Variants in RAB38 observed in about 807,000 individuals in gnomAD.
RAB38 encodes the protein RAB38, member RAS oncogene family.
Under a neutral mutation model 18.4 loss-of-function variants are expected in RAB38, and 15 were observed. The observed-to-expected ratio is 0.82, with a 90% CI of 0.55 to 1.26. The LOEUF (loss-of-function observed/expected upper bound fraction) is 1.26, where lower values mean the gene tolerates loss of function less well. Ranked by LOEUF, RAB38 falls within the 50% of genes most tolerant of loss-of-function variation. The pLI, the probability that RAB38 is intolerant of heterozygous loss-of-function variation, is 0.00. For missense variants in RAB38, 294 were observed against 267.4 expected (o/e 1.10, Z -0.69); for synonymous variants, 101 against 104.4 (o/e 0.97, Z 0.20).
chr11:88,100,482 G>A, the RAB38 span, among the ~76,000 whole-genome samples: 1 of 151,900 alleles, frequency 6.6e-6, no homozygotes, highest in African/African-American at 2.4e-5. Flanking sequence ...ATTGTACTTG[G>A]TATTTCATAT....
chr11:88,052,377 T>A, the RAB38 span, among the ~76,000 whole-genome samples: 1 of 152,198 alleles, frequency 6.6e-6, no homozygotes, highest in East Asian at 1.9e-4. Flanking sequence ...GCTGAAAATA[T>A]AGTTGAATTA....
chr11:88,162,112 G>T (rs1005776743), intron 1 of RAB38, among the ~76,000 whole-genome samples: 1 of 152,136 alleles, frequency 6.6e-6, no homozygotes, highest in African/African-American at 2.4e-5. Flanking sequence ...CCCACATACT[G>T]AAATCAGAGT....
the RAB38 span, among the ~76,000 whole-genome samples, chr11:87,850,754 A>C: frequency 6.6e-6 from 1 of 151,908 alleles, no homozygotes; most frequent in African/African-American, 2.4e-5. Flanking sequence ...ACATACACAC[A>C]CACCAGTATA....
At chr11:87,977,140 ATTATACAAGTATATTATAAAATT>A in the RAB38 span, among the ~76,000 whole-genome samples, 8 of 11,144 alleles carry the variant, frequency 7.2e-4, 4 homozygotes, top group South Asian at 3.7e-3. Context: ...ATAAAATTAT[ATTATACAAGTATATTATAAAATT>A]ATATTATACA....
the RAB38 span, among the ~76,000 whole-genome samples, chr11:88,042,085 C>T: frequency 3.3e-5 from 5 of 152,010 alleles, no homozygotes; most frequent in Admixed American, 1.3e-4. Context: ...ATTTAAAGGC[C>T]GTTTTATTAC....
the RAB38 span, among the ~76,000 whole-genome samples, chr11:87,827,311 T>C: frequency 2.0e-5 from 3 of 152,148 alleles, no homozygotes; most frequent in East Asian, 5.8e-4. Context: ...TTCTTTTGGC[T>C]GGCTTTTATG....
the RAB38 span, among the ~76,000 whole-genome samples, chr11:87,832,123 A>T: frequency 6.6e-6 from 1 of 152,208 alleles, no homozygotes; most frequent in Non-Finnish European, 1.5e-5. Context: ...TCATTTTTGC[A>T]GTAAAATACT....
At chr11:87,941,245 A>ATATATATATATATATATATATATATG in the RAB38 span, among the ~76,000 whole-genome samples, 1 of 134,508 alleles carries the variant, frequency 7.4e-6, no homozygotes, top group East Asian at 2.3e-4. Flanking sequence ...ATATATATAT[A>ATATATATATATATATATATATATATG]TGTAACTTCT....
Position 88,175,162 on chromosome 11 carries a change from AC to A in RAB38, c.202+20del. On this transcript the variant is annotated intron_variant, in intron 1 of 2. Transcript: ENST00000243662. ...GGCCGCGAGGCGCTCTATCCCCCTG[AC>A]CCCCTCCCCCCGCGCTCACCTGCGA... 1 of 1,569,666 alleles carries A rather than the reference AC, an allele frequency of 6.4e-7. No individual in the cohort carries two copies. The highest frequency in any genetic ancestry group is 8.6e-7 in the Non-Finnish European group (1 of 1,156,388).
the RAB38 span, among the ~76,000 whole-genome samples, chr11:87,872,934 GT>G: frequency 1.3e-5 from 2 of 151,574 alleles, no homozygotes; most frequent in Non-Finnish European, 3.0e-5. Context: ...TGTGACTTGT[GT>G]ATGGATGTAA....
At position 88,141,128 on chromosome 11, in the gene RAB38, T is replaced by C. The variant is rs1942907096; in HGVS notation, c.483+8547A>G. On this transcript the variant is annotated intron_variant, in intron 2 of 2. Coordinates refer to ENST00000243662, the MANE Select transcript of RAB38 (RefSeq NM_022337.3). ...AAACAGGCCTACAAGTATTCTTTTTTCTCAGATAGAATCAAGGCAGACCTG... is the reference window on the plus strand; with the variant it reads ...AAACAGGCCTACAAGTATTCTTTTTCCTCAGATAGAATCAAGGCAGACCTG... Among the ~76,000 whole-genome samples the C allele has an allele frequency of 2.0e-5, 3 of 152,246 alleles. 1 individual carries two copies. In the South Asian group the frequency reaches 6.2e-4, roughly 32 times the overall value.
the RAB38 span, among the ~76,000 whole-genome samples, chr11:87,948,777 G>T: frequency 6.6e-6 from 1 of 150,494 alleles, no homozygotes; most frequent in African/African-American, 2.5e-5. Flanking sequence ...TTGATGTGCT[G>T]CTGGATTCGG....
At chr11:88,007,535 A>G in the RAB38 span, among the ~76,000 whole-genome samples, 1 of 152,160 alleles carries the variant, frequency 6.6e-6, no homozygotes, top group South Asian at 2.1e-4. Context: ...GCAAATTAGA[A>G]TAACAATGCA....
chr11:88,015,931 G>A, the RAB38 span, among the ~76,000 whole-genome samples: 3 of 152,162 alleles, frequency 2.0e-5, no homozygotes, highest in African/African-American at 7.2e-5. Context: ...ATCAGAGATA[G>A]AGATCCTTGT....
At chr11:87,947,746 A>G in the RAB38 span, among the ~76,000 whole-genome samples, 1 of 152,030 alleles carries the variant, frequency 6.6e-6, no homozygotes, top group Non-Finnish European at 1.5e-5. Context: ...ATTGGTCTAT[A>G]TCTCTGTTTT....
chr11:87,842,808 ACGCG>A, the RAB38 span, among the ~76,000 whole-genome samples: 2 of 75,290 alleles, frequency 2.7e-5, no homozygotes, highest in East Asian at 2.8e-4. Context: ...ACACACACAC[ACGCG>A]CGCGCACACA....
the RAB38 span, among the ~76,000 whole-genome samples, chr11:88,048,787 C>T: frequency 1.3e-5 from 2 of 152,130 alleles, no homozygotes; most frequent in African/African-American, 2.4e-5. Context: ...GCTGACATCT[C>T]CTGGTCCTAT....
At chr11:88,089,330 T>C in the RAB38 span, among the ~76,000 whole-genome samples, 1 of 151,594 alleles carries the variant, frequency 6.6e-6, no homozygotes, top group Admixed American at 6.6e-5. Context: ...GCAGTGTCCC[T>C]AGTGTAAACT....
chr11:88,071,771 C>A, the RAB38 span, among the ~76,000 whole-genome samples: 1 of 152,276 alleles, frequency 6.6e-6, no homozygotes, highest in South Asian at 2.1e-4. Flanking sequence ...ACAAATGCAG[C>A]AACTGATGAA....
Sources: allele counts gnomAD v4.1 joint callset (sites outside exome capture counted in the v4.1 genomes callset), GRCh38; gene constraint gnomAD v4.1.1; transcripts MANE v1.5; gene names NCBI Gene and HGNC (gene_info 2026-07-23, HGNC 2026-07-21).